CSGALNACT1: variants seen among roughly 807,000 people sequenced by gnomAD.
The protein encoded by CSGALNACT1 is beta4GalNAcT-1.
A neutral mutation model predicts 51.0 loss-of-function variants in CSGALNACT1; 52 were observed. The observed-to-expected ratio is 1.02, with a 90% CI of 0.82 to 1.29. CSGALNACT1 has a LOEUF of 1.29. Ranked by LOEUF, CSGALNACT1 falls within the 50% of genes most tolerant of loss-of-function variation. The pLI, the probability that CSGALNACT1 is intolerant of heterozygous loss-of-function variation, is 0.00. For synonymous variants in CSGALNACT1, 341 were observed against 254.4 expected (o/e 1.34, Z -3.24); for missense variants, 935 against 679.2 (o/e 1.38, Z -4.19).
intron 8 of CSGALNACT1, among the ~76,000 whole-genome samples, chr8:19,410,995 C>A (rs1008463631): frequency 3.9e-5 from 6 of 152,246 alleles, no homozygotes; most frequent in African/African-American, 1.2e-4. Flanking sequence ...ATGTGAAGCC[C>A]TGCAAGGGTT....
chr8:19,664,644 CAA>C (rs1355907663), intron 1 of CSGALNACT1, among the ~76,000 whole-genome samples: 15 of 140,676 alleles, frequency 1.1e-4, no homozygotes, highest in African/African-American at 4.0e-4. Flanking sequence ...CACAAACACA[CAA>C]ACACACACAC....
At chr8:19,572,071 A>G (rs929299256) in intron 3 of CSGALNACT1, among the ~76,000 whole-genome samples, 8 of 152,194 alleles carry the variant, frequency 5.3e-5, no homozygotes, top group African/African-American at 1.7e-4. Context: ...TGTTTTTCTC[A>G]TGTTGAGAAC....
chr8:19,598,719 A>G (rs2049523985), intron 2 of CSGALNACT1, among the ~76,000 whole-genome samples: 2 of 152,316 alleles, frequency 1.3e-5, no homozygotes, highest in South Asian at 4.1e-4. Context: ...AAAATGGGAA[A>G]GGAAAGTTCT....
intron 1 of CSGALNACT1, among the ~76,000 whole-genome samples, chr8:19,635,926 C>T (rs2055991470): frequency 6.6e-6 from 1 of 152,116 alleles, no homozygotes; most frequent in Admixed American, 6.6e-5. Flanking sequence ...GACAGGGTTT[C>T]ACCATGTTGG....
At chr8:19,680,808 T>C (rs11993323) in intron 1 of CSGALNACT1, among the ~76,000 whole-genome samples, 22,447 of 152,026 alleles carry the variant, frequency 0.15, 1,914 homozygotes, top group East Asian at 0.41. Flanking sequence ...TATTTATGTA[T>C]ATGTTTTCAC....
chr8:19,599,472 A>AAGAAAAAGAAAGAAAGAAAGAAAGAAAG (rs1554751245), intron 2 of CSGALNACT1, among the ~76,000 whole-genome samples: 1 of 113,736 alleles, frequency 8.8e-6, no homozygotes, highest in African/African-American at 3.6e-5. Flanking sequence ...GAAAGAAAGA[A>AAGAAAAAGAAAGAAAGAAAGAAAGAAAG]AAAGAAAGAA....
intron 3 of CSGALNACT1, among the ~76,000 whole-genome samples, chr8:19,521,833 G>C (rs570945556): frequency 2.0e-5 from 3 of 152,328 alleles, no homozygotes; most frequent in Non-Finnish European, 4.4e-5. Flanking sequence ...AGATAAGAGA[G>C]GGGGACTTTG....
At chr8:19,667,281 A>T (rs1461056342) in intron 1 of CSGALNACT1, among the ~76,000 whole-genome samples, 1 of 150,990 alleles carries the variant, frequency 6.6e-6, no homozygotes, top group Admixed American at 6.6e-5. Context: ...AAAAAAATAC[A>T]AAAATTAGCT....
chr8:19,451,970 T>A (rs1174942596), intron 5 of CSGALNACT1, among the ~76,000 whole-genome samples: 3 of 152,222 alleles, frequency 2.0e-5, no homozygotes, highest in Non-Finnish European at 4.4e-5. Context: ...TTAAAGGTGA[T>A]GCATGGGAAG....
intron 3 of CSGALNACT1, among the ~76,000 whole-genome samples, chr8:19,543,639 T>C (rs960011753): frequency 1.3e-5 from 2 of 152,206 alleles, no homozygotes; most frequent in African/African-American, 4.8e-5. Flanking sequence ...TGGCTGCATG[T>C]TTCCCAGCTG....
intron 2 of CSGALNACT1, among the ~76,000 whole-genome samples, chr8:19,594,822 G>A (rs1310802675): frequency 1.3e-5 from 2 of 152,014 alleles, no homozygotes; most frequent in Non-Finnish European, 2.9e-5. Context: ...ACAGTGCAGG[G>A]ATTATAGGCA....
At chr8:19,514,658 CA>C (rs551285523) in intron 3 of CSGALNACT1, among the ~76,000 whole-genome samples, 135 of 135,558 alleles carry the variant, frequency 1.0e-3, no homozygotes, top group Admixed American at 1.4e-3. Context: ...CCGTCTCTAC[CA>C]AAAAAAAAAA....
At chr8:19,602,303 T>A (rs2050613779) in exon 1 of CSGALNACT1, 1 of 153,984 alleles carries the variant, frequency 6.5e-6, no homozygotes, top group African/African-American at 2.4e-5. Flanking sequence ...CTGCAAGGAC[T>A]GTGTTCAGCG....
intron 1 of CSGALNACT1, among the ~76,000 whole-genome samples, chr8:19,610,850 C>T (rs1417443573): frequency 6.6e-6 from 1 of 152,238 alleles, no homozygotes; most frequent in African/African-American, 2.4e-5. Flanking sequence ...GAGGATCTAA[C>T]CGAGCAGGTT....
intron 1 of CSGALNACT1, among the ~76,000 whole-genome samples, chr8:19,672,930 TA>T (rs1450259747): frequency 6.6e-6 from 1 of 152,240 alleles, no homozygotes; most frequent in African/African-American, 2.4e-5. Context: ...TTTCACTGTT[TA>T]GCCAATGGAA....
chr8:19,525,747 C>T (rs2081554263), intron 3 of CSGALNACT1, among the ~76,000 whole-genome samples: 1 of 150,410 alleles, frequency 6.6e-6, no homozygotes. Flanking sequence ...GCCCTCGGAG[C>T]ACATTTGAGG....
At chr8:19,699,219 T>A (rs778541750) in intron 1 of CSGALNACT1, among the ~76,000 whole-genome samples, 4 of 152,164 alleles carry the variant, frequency 2.6e-5, no homozygotes, top group Non-Finnish European at 5.9e-5. Context: ...ATTTTTCTTG[T>A]TTTATTTTTT....
intron 1 of CSGALNACT1, among the ~76,000 whole-genome samples, chr8:19,716,126 A>G (rs2062792941): frequency 6.6e-6 from 1 of 152,132 alleles, no homozygotes; most frequent in African/African-American, 2.4e-5. Flanking sequence ...CAATCCTTCA[A>G]TAATCCCGCC....
intron 1 of CSGALNACT1, among the ~76,000 whole-genome samples, chr8:19,627,831 A>C (rs1589130018): frequency 6.6e-6 from 1 of 152,276 alleles, no homozygotes; most frequent in Non-Finnish European, 1.5e-5. Flanking sequence ...CCTACCTTTA[A>C]AAAAATAAAG....
Sources: allele counts gnomAD v4.1 joint callset (sites outside exome capture counted in the v4.1 genomes callset), GRCh38; gene constraint gnomAD v4.1.1; transcripts MANE v1.5; gene names NCBI Gene and HGNC (gene_info 2026-07-23, HGNC 2026-07-21).